PALM2AKAP2: variants seen among roughly 807,000 people sequenced by gnomAD.
The protein encoded by PALM2AKAP2 is PALM2-AKAP2 fusion protein.
Under a neutral mutation model 71.5 loss-of-function variants are expected in PALM2AKAP2, and 37 were observed. That is an observed-to-expected ratio of 0.52 (90% CI 0.40 to 0.68). The LOEUF (loss-of-function observed/expected upper bound fraction) is 0.68. Among genes scored for constraint, PALM2AKAP2 ranks in the 30% least tolerant of loss-of-function variants. PALM2AKAP2 has a pLI of 0.00. For missense variants in PALM2AKAP2, 1,224 were observed against 1,191.8 expected (o/e 1.03, Z -0.40); for synonymous variants, 468 against 478.8 (o/e 0.98, Z 0.29).
intron 6 of PALM2AKAP2, among the ~76,000 whole-genome samples, chr9:109,941,056 C>T (rs1162024093): frequency 6.6e-6 from 1 of 151,854 alleles, no homozygotes; most frequent in Admixed American, 6.6e-5. Context: ...TTTCCTTCCC[C>T]CATCTTTTCC....
intron 1 of PALM2AKAP2, among the ~76,000 whole-genome samples, chr9:110,060,348 C>T: frequency 6.6e-6 from 1 of 151,928 alleles, no homozygotes; most frequent in East Asian, 1.9e-4. Flanking sequence ...AGTGATCTGC[C>T]CACCTTGGCC....
At chr9:109,752,077 C>G (rs899492834) in intron 1 of PALM2AKAP2, among the ~76,000 whole-genome samples, 4 of 152,140 alleles carry the variant, frequency 2.6e-5, no homozygotes, top group African/African-American at 9.6e-5. Flanking sequence ...TATTGAGCAC[C>G]TACTATGTAT....
exon 2 of PALM2AKAP2, chr9:110,136,594 TAGC>T: frequency 6.2e-7 from 1 of 1,613,742 alleles, no homozygotes; most frequent in Non-Finnish European, 8.5e-7. Flanking sequence ...AGCTCAGTAA[TAGC>T]AGCCCTGACC....
intron 1 of PALM2AKAP2, among the ~76,000 whole-genome samples, chr9:109,645,465 T>C (rs1827137581): frequency 2.0e-5 from 3 of 151,296 alleles, no homozygotes; most frequent in Admixed American, 2.0e-4. Flanking sequence ...CAATTTAAAA[T>C]GAAACCTAGT....
intron 1 of PALM2AKAP2, among the ~76,000 whole-genome samples, chr9:109,815,980 T>C (rs1827841863): frequency 6.6e-6 from 1 of 152,170 alleles, no homozygotes; most frequent in African/African-American, 2.4e-5. Flanking sequence ...AAGGTACTGG[T>C]TATTAGCCTT....
intron 1 of PALM2AKAP2, among the ~76,000 whole-genome samples, chr9:110,131,985 C>T (rs1835744281): frequency 6.6e-6 from 1 of 151,864 alleles, no homozygotes; most frequent in Non-Finnish European, 1.5e-5. Context: ...GGAATCATCC[C>T]AAATTACACT....
Position 109,860,741 on chromosome 9 carries a change from G to A in PALM2AKAP2, c.46-6750G>A, listed in dbSNP as rs191438576. ...TCTCGATCATTTTTCCCCCTAAATAGCATCCCCACCCATTCCCTTTCCAAG... is the reference window on the plus strand; with the variant it reads ...TCTCGATCATTTTTCCCCCTAAATAACATCCCCACCCATTCCCTTTCCAAG... On this transcript the variant is annotated intron_variant, in intron 1 of 9. Coordinates refer to the PALM2AKAP2 transcript ENST00000302798. Among the ~76,000 whole-genome samples, 168 of 151,894 alleles carry A rather than the reference G, an allele frequency of 1.1e-3. 1 individual carries two copies. The highest frequency in any genetic ancestry group is 3.9e-3 in the African/African-American group (162 of 41,402).
chr9:110,077,476 A>G (rs1834347932), intron 1 of PALM2AKAP2, among the ~76,000 whole-genome samples: 1 of 152,210 alleles, frequency 6.6e-6, no homozygotes, highest in African/African-American at 2.4e-5. Flanking sequence ...AGCGGGTTAT[A>G]TGAACTAACA....
chr9:109,931,635 C>T (rs542782330), intron 5 of PALM2AKAP2, among the ~76,000 whole-genome samples: 2 of 152,184 alleles, frequency 1.3e-5, no homozygotes, highest in African/African-American at 2.4e-5. Context: ...TCTGAATCTT[C>T]CCCCCGTCCC....
intron 6 of PALM2AKAP2, among the ~76,000 whole-genome samples, chr9:109,955,795 G>C (rs556152387): frequency 1.1e-4 from 16 of 151,878 alleles, no homozygotes; most frequent in Non-Finnish European, 2.4e-4. Context: ...AAATTAGCTG[G>C]GTGTAGTGGT....
chr9:109,966,399 C>T (rs1205279976), intron 6 of PALM2AKAP2, among the ~76,000 whole-genome samples: 1 of 152,196 alleles, frequency 6.6e-6, no homozygotes, highest in Non-Finnish European at 1.5e-5. Flanking sequence ...AACCCTGGAG[C>T]CAGGTACCCT....
At position 109,701,852 on chromosome 9, in the gene PALM2AKAP2, A is replaced by AGG. The variant is rs768177316; in HGVS notation, c.5+60986_5+60987insGG. Among the ~76,000 whole-genome samples, 352 of 152,356 alleles carry AGG rather than the reference A, an allele frequency of 2.3e-3. 1 individual carries two copies. The highest frequency in any genetic ancestry group is 4.2e-3 in the Non-Finnish European group (287 of 68,036). On this transcript the variant is annotated intron_variant, in intron 1 of 6. Coordinates refer to the PALM2AKAP2 transcript ENST00000374531. ...ATTTTTGCAATCTACTCATCTGACA[A>AGG]AGGGCTAATATCCAGAATCTACAAT...
At chr9:109,784,340 A>G (rs1826905374) in intron 1 of PALM2AKAP2, among the ~76,000 whole-genome samples, 1 of 152,242 alleles carries the variant, frequency 6.6e-6, no homozygotes, top group Admixed American at 6.5e-5. Context: ...CATGTAAACC[A>G]ATCTCAGAGT....
At chr9:109,948,970 A>G (rs916733658) in intron 6 of PALM2AKAP2, among the ~76,000 whole-genome samples, 1 of 152,212 alleles carries the variant, frequency 6.6e-6, no homozygotes, top group East Asian at 1.9e-4. Flanking sequence ...GTAAAAAAAA[A>G]CGCAGGTTGT....
At chr9:110,048,959 C>T in intron 1 of PALM2AKAP2, 1 of 1,359,030 alleles carries the variant, frequency 7.4e-7, no homozygotes, top group Non-Finnish European at 9.6e-7. Flanking sequence ...ATCTGGGAGT[C>T]CTCGGAAGCA....
chr9:110,168,350 A>C, intron 3 of PALM2AKAP2, 49 bp from the exon 11 acceptor site: 1 of 1,590,144 alleles, frequency 6.3e-7, no homozygotes, highest in South Asian at 1.1e-5. Flanking sequence ...GTTTATGTTC[A>C]TAATTAACAT....
chr9:110,009,989 C>T (rs991328348), intron 6 of PALM2AKAP2, among the ~76,000 whole-genome samples: 2 of 152,066 alleles, frequency 1.3e-5, no homozygotes, highest in Non-Finnish European at 2.9e-5. Flanking sequence ...CAGATGTTGG[C>T]GCTAAGGAAT....
intron 1 of PALM2AKAP2, among the ~76,000 whole-genome samples, chr9:109,800,330 C>T (rs942151402): frequency 5.9e-5 from 9 of 152,144 alleles, no homozygotes; most frequent in African/African-American, 1.4e-4. Context: ...CAAATACTAC[C>T]GCATTTAATG....
chr9:109,879,135 A>C (rs1829785201), intron 2 of PALM2AKAP2, among the ~76,000 whole-genome samples: 1 of 152,182 alleles, frequency 6.6e-6, no homozygotes, highest in Non-Finnish European at 1.5e-5. Context: ...CTTCGCTCAT[A>C]AGAGCTTCAG....
Sources: allele counts gnomAD v4.1 joint callset (sites outside exome capture counted in the v4.1 genomes callset), GRCh38; gene constraint gnomAD v4.1.1; transcripts MANE v1.5; gene names NCBI Gene and HGNC (gene_info 2026-07-23, HGNC 2026-07-21).